AGBL1: variants seen among roughly 807,000 people sequenced by gnomAD.
The protein encoded by AGBL1 is AGBL carboxypeptidase 1.
Under a neutral mutation model 118.9 loss-of-function variants are expected in AGBL1, and 130 were observed. The observed-to-expected ratio is 1.09, with a 90% CI of 0.95 to 1.26. The LOEUF (loss-of-function observed/expected upper bound fraction) is 1.26, where lower values mean the gene tolerates loss of function less well. Among genes scored for constraint, AGBL1 ranks in the 50% most tolerant of loss-of-function variants. AGBL1 has a pLI of 0.00. For synonymous variants in AGBL1, 555 were observed against 478.9 expected (o/e 1.16, Z -2.08); for missense variants, 1,584 against 1,298.1 (o/e 1.22, Z -3.38).
At chr15:86,829,209 A>T (rs1011745369) in intron 22 of AGBL1, among the ~76,000 whole-genome samples, 1 of 152,088 alleles carries the variant, frequency 6.6e-6, no homozygotes, top group Non-Finnish European at 1.5e-5. Flanking sequence ...AAGTTGTTAG[A>T]ATTTGCACTT....
intron 18 of AGBL1, among the ~76,000 whole-genome samples, chr15:86,456,900 A>G (rs539029910): frequency 1.2e-4 from 19 of 152,350 alleles, no homozygotes; most frequent in African/African-American, 3.8e-4. Context: ...AATGACCAAC[A>G]TTTGAATATC....
chr15:86,808,813 G>A (rs748454186), intron 22 of AGBL1, among the ~76,000 whole-genome samples: 3 of 149,794 alleles, frequency 2.0e-5, no homozygotes, highest in African/African-American at 7.4e-5. Flanking sequence ...TTCTTTAACT[G>A]CTTGCAATTC....
At chr15:86,984,520 C>T (rs139663784) in intron 23 of AGBL1, among the ~76,000 whole-genome samples, 1,734 of 152,042 alleles carry the variant, frequency 0.011, 37 homozygotes, top group African/African-American at 0.04. Context: ...CACCTGCCAC[C>T]GTATCTGGCT....
At chr15:86,318,884 T>C (rs2080061896) in intron 17 of AGBL1, among the ~76,000 whole-genome samples, 1 of 152,110 alleles carries the variant, frequency 6.6e-6, no homozygotes, top group African/African-American at 2.4e-5. Context: ...ATGTACATTG[T>C]AGCTGAGTTG....
intron 22 of AGBL1, among the ~76,000 whole-genome samples, chr15:86,785,191 C>T (rs1212158035): frequency 6.6e-6 from 1 of 151,796 alleles, no homozygotes; most frequent in Non-Finnish European, 1.5e-5. Flanking sequence ...GGAGCACATC[C>T]AGATAGCACT....
chr15:86,813,283 C>T (rs910904662), intron 22 of AGBL1, among the ~76,000 whole-genome samples: 12 of 151,992 alleles, frequency 7.9e-5, no homozygotes, highest in African/African-American at 2.4e-4. Flanking sequence ...TATGGAGCTC[C>T]GCTGTGCTAT....
intron 1 of AGBL1, among the ~76,000 whole-genome samples, chr15:86,123,354 C>T (rs1253135832): frequency 6.6e-6 from 1 of 152,206 alleles, no homozygotes; most frequent in South Asian, 2.1e-4. Flanking sequence ...ATTCTCCTGC[C>T]TCAGCCTCCT....
At chr15:86,341,306 G>T (rs899993765) in intron 17 of AGBL1, among the ~76,000 whole-genome samples, 1 of 152,050 alleles carries the variant, frequency 6.6e-6, no homozygotes, top group Non-Finnish European at 1.5e-5. Flanking sequence ...CTTTTATGGG[G>T]GTCTTTTTGT....
At chr15:86,524,868 C>T (rs1279806265) in intron 19 of AGBL1, among the ~76,000 whole-genome samples, 2 of 152,074 alleles carry the variant, frequency 1.3e-5, no homozygotes, top group East Asian at 3.9e-4. Context: ...ATTCTTTTCT[C>T]TTAAGAATCC....
At chr15:86,998,436 A>G (rs996305097) in intron 24 of AGBL1, among the ~76,000 whole-genome samples, 11 of 152,146 alleles carry the variant, frequency 7.2e-5, no homozygotes, top group African/African-American at 2.4e-4. Context: ...GCCAGCAGAC[A>G]CATGAATTGG....
At chr15:86,297,542 G>A (rs1040508062) in intron 17 of AGBL1, among the ~76,000 whole-genome samples, 12 of 152,208 alleles carry the variant, frequency 7.9e-5, no homozygotes, top group African/African-American at 2.9e-4. Flanking sequence ...GGTCCTGGAT[G>A]TGATTTAAGG....
chr15:86,094,621 A>C (rs2141475365), intron 1 of AGBL1, among the ~76,000 whole-genome samples: 1 of 152,252 alleles, frequency 6.6e-6, no homozygotes, highest in South Asian at 2.1e-4. Flanking sequence ...TGGAACTTAG[A>C]TGGTCCTTCA....
chr15:86,374,991 G>A (rs2081021509), intron 17 of AGBL1, among the ~76,000 whole-genome samples: 1 of 152,162 alleles, frequency 6.6e-6, no homozygotes, highest in African/African-American at 2.4e-5. Context: ...GTCTTAATTT[G>A]TTGTCTGGTC....
chr15:86,776,566 C>T (rs889752620), intron 22 of AGBL1, among the ~76,000 whole-genome samples: 1 of 151,224 alleles, frequency 6.6e-6, no homozygotes, highest in African/African-American at 2.4e-5. Flanking sequence ...GAACTTAGGC[C>T]TTTGTTCCAG....
At position 86,703,293 on chromosome 15, in the gene AGBL1, C is replaced by T. The variant is rs75793094; in HGVS notation, c.3158+28857C>T. Among the ~76,000 whole-genome samples the T allele has an allele frequency of 6.5e-3, 996 of 152,196 alleles. 10 individuals carry two copies. Among genetic ancestry groups the T allele is most frequent in the African/African-American group, 0.023 (943 of 41,526 alleles). ...ACACTGAGTTTGAATACTGGCTCTG[C>T]CTCTTAATGAGCATAACATGGTGGT... On this transcript the variant is annotated intron_variant, in intron 22 of 22. Transcript: ENST00000614907.
intron 1 of AGBL1, among the ~76,000 whole-genome samples, chr15:86,114,204 A>T (rs980729540): frequency 1.3e-5 from 2 of 152,228 alleles, no homozygotes; most frequent in African/African-American, 4.8e-5. Flanking sequence ...CCATTTTCCC[A>T]TTTGAAATAT....
chr15:86,873,566 C>T lies in AGBL1; in HGVS notation c.3159-33521C>T, dbSNP rs12592852. 7.8e-4 allele frequency among the ~76,000 whole-genome samples: 118 copies of T among 152,220 alleles called. 2 individuals are homozygous for T. In the East Asian group the frequency reaches 0.019, roughly 25 times the overall value. ...AGGTAGAACCTTTGGGGAGTGGGGC[C>T]TTCATGAATGAGATTAGTGCCCGTA... is the stretch of plus-strand genomic sequence containing the variant. On this transcript the variant is annotated intron_variant, in intron 22 of 22. Transcript: ENST00000614907.
chr15:86,632,457 T>G (rs1790039312), intron 21 of AGBL1, among the ~76,000 whole-genome samples: 1 of 151,836 alleles, frequency 6.6e-6, no homozygotes, highest in South Asian at 2.1e-4. Context: ...AACAAAAAAA[T>G]GTTAATCATG....
At chr15:86,364,939 C>T (rs2080858054) in intron 17 of AGBL1, among the ~76,000 whole-genome samples, 1 of 127,376 alleles carries the variant, frequency 7.9e-6, no homozygotes. Context: ...GCAGGAGCCG[C>T]ATTGATTTAT....
Sources: allele counts gnomAD v4.1 joint callset (sites outside exome capture counted in the v4.1 genomes callset), GRCh38; gene constraint gnomAD v4.1.1; transcripts MANE v1.5; gene names NCBI Gene and HGNC (gene_info 2026-07-23, HGNC 2026-07-21).